PVT1: variants seen among roughly 807,000 people sequenced by gnomAD.
The protein encoded by PVT1 is Pvt1 oncogene, also known as CXCR4/PVT1 fusion.
chr8:127,826,085 C>G lies in PVT1; in HGVS notation n.372+30014C>G, dbSNP rs115123471. On this transcript the variant is annotated intron_variant and non_coding_transcript_variant, in intron 2 of 10. Coordinates refer to ENST00000651587, the Ensembl canonical transcript of PVT1. ...ATGTTGCCCAGGCCAGTTTCGAACT[C>G]CTTGGCTCAAACAATTCCCCCTCCT... is the stretch of plus-strand genomic sequence containing the variant. Among the ~76,000 whole-genome samples the G allele has an allele frequency of 5.5e-3, 777 of 142,452 alleles. 4 individuals carry two copies. The highest frequency in any genetic ancestry group is 0.019 in the African/African-American group (733 of 37,780). The allele number at this position is 142,452 out of a possible 152,430, so 93.5% of individuals were successfully genotyped here.
chr8:127,942,417 A>T (rs1355259222), intron 3 of PVT1, among the ~76,000 whole-genome samples: 1 of 152,188 alleles, frequency 6.6e-6, no homozygotes. Flanking sequence ...CTTCTCCTGC[A>T]GGCAACTACA....
chr8:128,097,539 T>C (rs567643575), intron 6 of PVT1, among the ~76,000 whole-genome samples: 48 of 152,260 alleles, frequency 3.2e-4, no homozygotes, highest in Non-Finnish European at 6.9e-4. Context: ...CCTCTGGCCC[T>C]TTACAGAAAA....
intron 4 of PVT1, among the ~76,000 whole-genome samples, chr8:128,063,760 T>C (rs1813862373): frequency 6.6e-6 from 1 of 151,954 alleles, no homozygotes; most frequent in Admixed American, 6.6e-5. Flanking sequence ...TTCAGTTAGG[T>C]AGGAGGAATA....
intron 2 of PVT1, among the ~76,000 whole-genome samples, chr8:127,833,770 T>C (rs950405734): frequency 2.0e-5 from 3 of 152,206 alleles, no homozygotes; most frequent in Admixed American, 1.3e-4. Flanking sequence ...CCCGAGGGCA[T>C]TGGCTCTGCC....
intron 5 of PVT1, among the ~76,000 whole-genome samples, chr8:128,070,976 A>G (rs1813979146): frequency 1.3e-5 from 2 of 152,230 alleles, no homozygotes; most frequent in African/African-American, 4.8e-5. Context: ...AACTTTTTGC[A>G]TGCATGCTGC....
chr8:127,939,202 A>T (rs751714971), intron 3 of PVT1, among the ~76,000 whole-genome samples: 3 of 152,150 alleles, frequency 2.0e-5, no homozygotes, highest in Non-Finnish European at 4.4e-5. Flanking sequence ...CTTGACCAAC[A>T]TATTTTAAGG....
At chr8:127,827,207 C>T (rs1281695487) in intron 2 of PVT1, among the ~76,000 whole-genome samples, 1 of 152,050 alleles carries the variant, frequency 6.6e-6, no homozygotes, top group African/African-American at 2.4e-5. Flanking sequence ...GTTGGTCAGG[C>T]TGGTCTCGAA....
At chr8:128,015,537 A>T (rs1318120518) in intron 4 of PVT1, among the ~76,000 whole-genome samples, 1 of 152,090 alleles carries the variant, frequency 6.6e-6, no homozygotes, top group Non-Finnish European at 1.5e-5. Flanking sequence ...GCACTTTGGG[A>T]GGCCAAGGTG....
intron 3 of PVT1, among the ~76,000 whole-genome samples, chr8:127,979,344 C>T (rs1816858288): frequency 6.6e-6 from 1 of 152,220 alleles, no homozygotes; most frequent in Admixed American, 6.5e-5. Flanking sequence ...CCAGGCTTTC[C>T]ATCCTTGTCA....
chr8:127,974,225 C>G (rs1215355108), intron 3 of PVT1, among the ~76,000 whole-genome samples: 2 of 152,170 alleles, frequency 1.3e-5, no homozygotes, highest in Non-Finnish European at 2.9e-5. Flanking sequence ...TATATCACCC[C>G]ATTGGTGCCT....
intron 5 of PVT1, among the ~76,000 whole-genome samples, chr8:128,086,273 G>A (rs2130160285): frequency 6.6e-6 from 1 of 152,296 alleles, no homozygotes; most frequent in South Asian, 2.1e-4. Flanking sequence ...TGGGCAAAAG[G>A]ATGACACAGG....
At chr8:127,840,759 C>CCCATGCAGGAAGCTGGTCCTGT (rs1814964453) in intron 2 of PVT1, among the ~76,000 whole-genome samples, 2 of 152,246 alleles carry the variant, frequency 1.3e-5, no homozygotes, top group Admixed American at 1.3e-4. Context: ...ACTGGTCCTG[C>CCCATGCAGGAAGCTGGTCCTGT]CCATGCAGGA....
At chr8:127,847,555 A>C (rs985075534) in intron 2 of PVT1, among the ~76,000 whole-genome samples, 2 of 152,232 alleles carry the variant, frequency 1.3e-5, no homozygotes, top group Non-Finnish European at 2.9e-5. Flanking sequence ...ATTTTTATAA[A>C]AGCAAAAGAC....
chr8:127,954,832 A>C (rs559336484), intron 3 of PVT1, among the ~76,000 whole-genome samples: 247 of 152,248 alleles, frequency 1.6e-3, no homozygotes, highest in African/African-American at 5.6e-3. Context: ...TGAGCTCTGT[A>C]CCATGGGCCA....
chr8:127,953,043 C>T (rs566688666), intron 3 of PVT1, among the ~76,000 whole-genome samples: 78 of 152,240 alleles, frequency 5.1e-4, no homozygotes, highest in African/African-American at 1.8e-3. Flanking sequence ...GGATTACAGG[C>T]GTGAGCCACC....
chr8:128,054,628 T>C (rs1203653595), intron 4 of PVT1, among the ~76,000 whole-genome samples: 1 of 152,248 alleles, frequency 6.6e-6, no homozygotes, highest in African/African-American at 2.4e-5. Context: ...GGGTTCAATG[T>C]GGCTGGTTGC....
chr8:128,000,553 G>A (rs954925815), intron 4 of PVT1, among the ~76,000 whole-genome samples: 3 of 152,214 alleles, frequency 2.0e-5, no homozygotes, highest in Non-Finnish European at 4.4e-5. Context: ...GCTGATTATG[G>A]CCCTGAAAGT....
intron 4 of PVT1, among the ~76,000 whole-genome samples, chr8:128,034,315 AT>A (rs1470471998): frequency 6.6e-6 from 1 of 152,154 alleles, no homozygotes; most frequent in African/African-American, 2.4e-5. Flanking sequence ...AAGGACTGGT[AT>A]TCTCTTCCCT....
intron 5 of PVT1, among the ~76,000 whole-genome samples, chr8:128,089,653 C>T (rs1386898770): frequency 6.6e-6 from 1 of 152,194 alleles, no homozygotes; most frequent in Non-Finnish European, 1.5e-5. Context: ...CACACAATTA[C>T]GCATAGCAGG....
Sources: gnomAD v4.1 joint callset for allele counts (sites outside exome capture counted in the v4.1 genomes callset) on GRCh38, gnomAD v4.1.1 for gene constraint, MANE v1.5 for transcripts, NCBI Gene and HGNC (gene_info 2026-07-23, HGNC 2026-07-21) for gene names.